IP6K1: variants seen among roughly 807,000 people sequenced by gnomAD.
IP6K1 encodes the protein ATP:1D-myo-inositol-hexakisphosphate phosphotransferase.
A neutral mutation model predicts 38.3 loss-of-function variants in IP6K1; 13 were observed. The observed-to-expected ratio is 0.34, with a 90% CI of 0.22 to 0.54. IP6K1 has a LOEUF of 0.54. Ranked by LOEUF, IP6K1 falls within the 20% of genes least tolerant of loss-of-function variation. The pLI is 0.92. For synonymous variants in IP6K1, 212 were observed against 229.9 expected (o/e 0.92, Z 0.70); for missense variants, 397 against 599.8 (o/e 0.66, Z 3.53).
intron 1 of IP6K1, chr3:49,775,556 G>T: frequency 9.7e-7 from 1 of 1,025,784 alleles, no homozygotes; most frequent in Non-Finnish European, 1.4e-6. Flanking sequence ...TCAATTTGGG[G>T]AGCTCTAAGA....
At chr3:49,772,577 A>C (rs1440273547) in intron 1 of IP6K1, among the ~76,000 whole-genome samples, 4 of 150,838 alleles carry the variant, frequency 2.7e-5, no homozygotes, top group Non-Finnish European at 5.9e-5. Flanking sequence ...TAATTTTTTT[A>C]TTTTTTGTAG....
In IP6K1 at chr3:49,762,728, A is replaced by G. The variant is rs554805664; in HGVS notation, c.-128-14560T>C. On this transcript the variant is annotated intron_variant, in intron 1 of 5. Coordinates refer to ENST00000321599, the MANE Select transcript of IP6K1 (RefSeq NM_153273.4). Reference sequence around the variant, plus strand: ...ACATAATTTTTTTTCAGAAAACAGAAAGAGAGAGAAAGAGAGTAGTTCCCA... The same window carrying G: ...ACATAATTTTTTTTCAGAAAACAGAGAGAGAGAGAAAGAGAGTAGTTCCCA... Among the ~76,000 whole-genome samples the G allele has an allele frequency of 5.9e-5, 9 of 152,172 alleles. No homozygotes were observed. The South Asian group carries it at 1.0e-3, about 18-fold the overall frequency.
intron 1 of IP6K1, among the ~76,000 whole-genome samples, chr3:49,750,901 A>G (rs959364519): frequency 1.3e-5 from 2 of 152,164 alleles, no homozygotes; most frequent in African/African-American, 2.4e-5. Context: ...AATATACCAC[A>G]TATCTGTAAC....
At chr3:49,754,291 G>A (rs1484082629) in intron 1 of IP6K1, among the ~76,000 whole-genome samples, 1 of 151,980 alleles carries the variant, frequency 6.6e-6, no homozygotes, top group Non-Finnish European at 1.5e-5. Flanking sequence ...TGGGAGGATG[G>A]CTTGAGCCCA....
In IP6K1 at chr3:49,738,422, C is replaced by T. The variant is rs2080634783; in HGVS notation, c.224G>A (p.Gly75Asp). Residue 75 changes from glycine to aspartate, a missense_variant and splice_region_variant, in exon 3 of 6, where the codon GGC (glycine) becomes GAC (aspartate). By Grantham distance (94) the Gly-to-Asp change is moderately conservative. Transcript: ENST00000321599. ...CCCCTCAAAACAGACAGATACCACG[C>T]CTGTTAAAAAAAGGGCAGTTGGTAA... ...EMKEFTPEYK[G>D]VVSVCFEGDS... The T allele has an allele frequency of 6.2e-7, 1 of 1,613,112 alleles. No individual in the cohort carries two copies. Among genetic ancestry groups the T allele is most frequent in the Admixed American group, 1.7e-5 (1 of 59,964 alleles).
At chr3:49,775,238 G>A (rs752840797) in intron 1 of IP6K1, 33 of 167,796 alleles carry the variant, frequency 2.0e-4, no homozygotes, top group Middle Eastern at 1.5e-3. Flanking sequence ...AAGCAGTCTC[G>A]AAAAAATAAA....
intron 4 of IP6K1, among the ~76,000 whole-genome samples, chr3:49,730,183 G>A (rs372037156): frequency 2.6e-5 from 4 of 151,994 alleles, no homozygotes; most frequent in East Asian, 1.9e-4. Context: ...ATGAGCCACC[G>A]CGCCCAGCCG....
intron 1 of IP6K1, 105 bp from the exon 2 acceptor site, chr3:49,748,273 T>C (rs1359076891): frequency 1.8e-5 from 10 of 560,868 alleles, no homozygotes; most frequent in East Asian, 1.2e-4. Flanking sequence ...TTCCCTACTA[T>C]GTGTATCCCT....
At chr3:49,738,907 G>A (rs931507332) in intron 2 of IP6K1, among the ~76,000 whole-genome samples, 2 of 152,080 alleles carry the variant, frequency 1.3e-5, no homozygotes, top group African/African-American at 4.8e-5. Context: ...CCCACACTGA[G>A]CATCAGGCTA....
At chr3:49,759,324 G>A (rs2080849474) in intron 1 of IP6K1, among the ~76,000 whole-genome samples, 1 of 152,148 alleles carries the variant, frequency 6.6e-6, no homozygotes, top group African/African-American at 2.4e-5. Context: ...GTATTCAGCT[G>A]CAGTTAGAGA....
chr3:49,778,829 T>C (rs2081041376), intron 1 of IP6K1, among the ~76,000 whole-genome samples: 1 of 152,088 alleles, frequency 6.6e-6, no homozygotes, highest in Non-Finnish European at 1.5e-5. Flanking sequence ...TCTCGCTATG[T>C]TTCCAGAGCT....
intron 1 of IP6K1, among the ~76,000 whole-genome samples, chr3:49,784,576 C>A (rs1373331046): frequency 2.0e-5 from 3 of 150,016 alleles, no homozygotes; most frequent in Non-Finnish European, 4.4e-5. Flanking sequence ...ACCCAGGAGG[C>A]AGAGGTTGCA....
intron 1 of IP6K1, among the ~76,000 whole-genome samples, chr3:49,751,566 T>C (rs1254302498): frequency 6.6e-6 from 1 of 152,148 alleles, no homozygotes; most frequent in African/African-American, 2.4e-5. Flanking sequence ...ATGATGTTGG[T>C]TGCCTGCATA....
At chr3:49,750,607 C>G (rs1030970159) in intron 1 of IP6K1, among the ~76,000 whole-genome samples, 1 of 151,664 alleles carries the variant, frequency 6.6e-6, no homozygotes, top group African/African-American at 2.4e-5. Flanking sequence ...AGCTGAGGCA[C>G]AAGAATCACT....
chr3:49,770,919 G>A (rs904266976), intron 1 of IP6K1, among the ~76,000 whole-genome samples: 10 of 151,846 alleles, frequency 6.6e-5, no homozygotes, highest in African/African-American at 2.4e-4. Flanking sequence ...GGATCAGCCT[G>A]GGCAAATATG....
At chr3:49,784,859 T>G (rs571604565) in intron 1 of IP6K1, among the ~76,000 whole-genome samples, 1 of 151,816 alleles carries the variant, frequency 6.6e-6, no homozygotes, top group East Asian at 2.0e-4. Context: ...GCAGGAAAAT[T>G]GCTTGAACCA....
At chr3:49,758,829 G>T (rs146885803) in intron 1 of IP6K1, among the ~76,000 whole-genome samples, 3 of 151,894 alleles carry the variant, frequency 2.0e-5, no homozygotes, top group African/African-American at 7.3e-5. Context: ...GTGTGGTGGC[G>T]CATGTCTGTA....
At position 49,732,789 on chromosome 3, in the gene IP6K1, A is replaced by G. The variant is rs1457997076; in HGVS notation, c.616+2T>C. 6.2e-7 allele frequency: 1 copy of G among 1,610,172 alleles called. No homozygotes were observed. Among genetic ancestry groups the G allele is most frequent in the Admixed American group, 1.7e-5 (1 of 59,884 alleles). On this transcript the variant is annotated splice_donor_variant, in intron 4 of 5. Transcript: ENST00000321599. LOFTEE classifies it high-confidence loss of function. ...CTCCTGAAGGAGGGGCAACGAGGAT[A>G]CTGTAGAGCTTTCGGTCCTTGGACT...
Position 49,747,938 on chromosome 3 carries a change from C to T in IP6K1, c.103G>A (p.Gly35Arg), listed in dbSNP as rs2080736576. 2 of 1,614,018 alleles carry T rather than the reference C, an allele frequency of 1.2e-6. No homozygotes were observed. The highest frequency in any genetic ancestry group is 1.7e-6 in the Non-Finnish European group (2 of 1,180,032). The change falls in exon 2 of 6, where the codon GGA (glycine) becomes AGA (arginine). Residue 35 changes from glycine to arginine, a missense_variant. Physicochemically the swap from Gly to Arg is moderately radical, Grantham distance 125 (BLOSUM62 -2). Around this residue, in one of 3 missense-constraint regions of IP6K1, gnomAD observed 171 missense variants for 237.0 expected, o/e 0.72. Transcript: ENST00000321599. ...LLEPFIHQVG[G>R]HSSMMRYDDH... ...TCGTAACGCATCATGCTGCTGTGTC[C>T]GCCTACTTGGTGGATGAAGGGCTCC...
Sources: gnomAD v4.1 joint callset for allele counts (sites outside exome capture counted in the v4.1 genomes callset) on GRCh38, gnomAD v4.1.1 for gene constraint, gnomAD v4.1.1 regional missense constraint, MANE v1.5 for transcripts, NCBI Gene and HGNC (gene_info 2026-07-23, HGNC 2026-07-21) for gene names.